VMP1: variants seen among roughly 807,000 people sequenced by gnomAD.
The protein encoded by VMP1 is ectopic P-granules autophagy protein 3 homolog.
A neutral mutation model predicts 56.0 loss-of-function variants in VMP1; 11 were observed. The observed-to-expected ratio is 0.20, with a 90% confidence interval of 0.12 to 0.32. VMP1 has a LOEUF of 0.32. Among genes scored for constraint, VMP1 ranks in the 10% least tolerant of loss-of-function variants. VMP1 has a pLI of 1.00. For missense variants in VMP1, 296 were observed against 490.3 expected (o/e 0.60, Z 3.74); for synonymous variants, 149 against 165.0 (o/e 0.90, Z 0.74).
At chr17:59,825,851 G>A (rs187154277) in intron 10 of VMP1, among the ~76,000 whole-genome samples, 3 of 152,348 alleles carry the variant, frequency 2.0e-5, no homozygotes, top group Admixed American at 1.3e-4. Context: ...GTAATAAAGT[G>A]CTTGAATCCG....
At chr17:59,836,870 T>C (rs2038999467) in intron 10 of VMP1, among the ~76,000 whole-genome samples, 1 of 152,088 alleles carries the variant, frequency 6.6e-6, no homozygotes, top group Non-Finnish European at 1.5e-5. Context: ...CTTCTATTCC[T>C]GCTTTTTGTT....
chr17:59,758,767 G>A (rs1182234507), intron 5 of VMP1, among the ~76,000 whole-genome samples: 1 of 151,950 alleles, frequency 6.6e-6, no homozygotes, highest in African/African-American at 2.4e-5. Flanking sequence ...AGGAGTTTAA[G>A]CAACACAGGG....
intron 7 of VMP1, among the ~76,000 whole-genome samples, chr17:59,801,415 G>T (rs1598413647): frequency 2.1e-5 from 3 of 143,548 alleles, no homozygotes; most frequent in East Asian, 2.0e-4. Flanking sequence ...CCAGCTAATT[G>T]TTTTTTTTTT....
At chr17:59,739,028 C>T (rs917726367) in intron 5 of VMP1, 81 bp downstream of exon 5, 3 of 1,154,632 alleles carry the variant, frequency 2.6e-6, no homozygotes, top group Non-Finnish European at 2.4e-6. Context: ...AGTAAAAATT[C>T]TAAGATTTGT....
At chr17:59,721,074 G>A (rs768942722) in intron 1 of VMP1, among the ~76,000 whole-genome samples, 4 of 151,960 alleles carry the variant, frequency 2.6e-5, no homozygotes, top group African/African-American at 7.3e-5. Flanking sequence ...GGCCGGGCGC[G>A]GTGGCTCACA....
In VMP1 at chr17:59,838,456, C is replaced by T; in HGVS notation, c.1077+59C>T. On this transcript the variant is annotated intron_variant, in intron 11 of 11. Transcript: ENST00000262291. ...GGAAGTTTCGGGCTGAAATTACATT[C>T]ACAGCTCTCACTCACATTTTTAGGC... 3.9e-6 allele frequency: 6 copies of T among 1,530,272 alleles called. No homozygotes were observed. The South Asian group carries it at 5.6e-5, about 14-fold the overall frequency. 94.8% of individuals were successfully genotyped at this position (1,530,272 alleles called of 1,614,324 possible).
chr17:59,838,417 T>C lies in VMP1; in HGVS notation c.1077+20T>C. ...CCACAGGTAAGACTTTAATCCGGTT[T>C]CTTCTCCCCTCTGGGAAGTTTCGGG... On this transcript the variant is annotated intron_variant, in intron 11 of 11. Transcript: ENST00000262291. 2 of 1,612,602 alleles carry C rather than the reference T, an allele frequency of 1.2e-6. No individual in the cohort carries two copies. The highest frequency in any genetic ancestry group is 1.7e-6 in the Non-Finnish European group (2 of 1,178,676).
At chr17:59,725,992 A>G (rs1380868867) in intron 1 of VMP1, among the ~76,000 whole-genome samples, 1 of 152,172 alleles carries the variant, frequency 6.6e-6, no homozygotes, top group East Asian at 1.9e-4. Flanking sequence ...GGGAAAGAGT[A>G]AATAGGGGCA....
chr17:59,806,470 T>A (rs942095168), intron 7 of VMP1, among the ~76,000 whole-genome samples: 1 of 152,136 alleles, frequency 6.6e-6, no homozygotes, highest in African/African-American at 2.4e-5. Flanking sequence ...TCAATGCCTG[T>A]AATCCTAGCA....
chr17:59,779,128 G>C (rs2036731185), intron 7 of VMP1, among the ~76,000 whole-genome samples: 1 of 152,230 alleles, frequency 6.6e-6, no homozygotes, highest in South Asian at 2.1e-4. Flanking sequence ...AAGGGGTTAA[G>C]ACACGTCACC....
At chr17:59,807,786 C>A (rs1017610560) in intron 7 of VMP1, among the ~76,000 whole-genome samples, 1 of 146,022 alleles carries the variant, frequency 6.8e-6, no homozygotes, top group Admixed American at 7.0e-5. Flanking sequence ...GAGCCAAGAT[C>A]GCGCCATTGC....
intron 10 of VMP1, among the ~76,000 whole-genome samples, chr17:59,832,761 A>ATTTTTTTTTT (rs71145580): frequency 0.017 from 1,706 of 100,468 alleles, no homozygotes; most frequent in Non-Finnish European, 0.022. Context: ...GCCTGGCAAT[A>ATTTTTTTTTT]TTTTTTTTTT....
rs747325963 is a variant in VMP1, at chr17:59,841,322, G to A, written c.*1411G>A. ...GTTGAATCTCATGGCAACACCAGTC[G>A]ATGGGCTGTCTGACATTTTGGTATC... On this transcript the variant is annotated 3_prime_UTR_variant, in exon 12 of 12. Transcript: ENST00000262291. 3 of 511,238 alleles carry A rather than the reference G, an allele frequency of 5.9e-6. No individual in the cohort carries two copies. The highest frequency in any genetic ancestry group is 1.4e-5 in the South Asian group (1 of 69,526). 31.7% of individuals were successfully genotyped at this position (511,238 alleles called of 1,614,324 possible). A position where few individuals can be genotyped will look rare whatever the true frequency, so the allele number is the denominator to read the frequency against.
chr17:59,797,365 A>G (rs1165062504), intron 7 of VMP1, among the ~76,000 whole-genome samples: 4 of 151,984 alleles, frequency 2.6e-5, no homozygotes, highest in African/African-American at 4.8e-5. Context: ...AAGAAAAAGA[A>G]AAAGACTTTT....
At chr17:59,756,401 G>C (rs1217876743) in intron 5 of VMP1, among the ~76,000 whole-genome samples, 1 of 152,158 alleles carries the variant, frequency 6.6e-6, no homozygotes, top group Non-Finnish European at 1.5e-5. Flanking sequence ...CCTTAGTGAA[G>C]AAGTATGGCA....
At chr17:59,817,558 G>A (rs189709764) in intron 9 of VMP1, among the ~76,000 whole-genome samples, 154 bp from the exon 10 acceptor site, 324 of 151,926 alleles carry the variant, frequency 2.1e-3, no homozygotes, top group Non-Finnish European at 3.5e-3. Flanking sequence ...CACCATGTTG[G>A]ACAGGATGGA....
At chr17:59,777,478 A>G (rs2036660549) in intron 7 of VMP1, among the ~76,000 whole-genome samples, 1 of 149,456 alleles carries the variant, frequency 6.7e-6, no homozygotes, top group Non-Finnish European at 1.5e-5. Flanking sequence ...TTTCCTCTCT[A>G]GAAGCTTTTA....
chr17:59,825,912 G>A (rs1028740218), intron 10 of VMP1, among the ~76,000 whole-genome samples: 40 of 152,334 alleles, frequency 2.6e-4, no homozygotes, highest in African/African-American at 8.4e-4. Context: ...AATGAGCTAC[G>A]TGGGCCTGGA....
chr17:59,712,262 A>C (rs2033962569), intron 1 of VMP1, among the ~76,000 whole-genome samples: 2 of 152,206 alleles, frequency 1.3e-5, no homozygotes, highest in Admixed American at 6.5e-5. Context: ...CTCATTATTA[A>C]TGAAGTTCCA....
Sources: gnomAD v4.1 joint callset for allele counts (sites outside exome capture counted in the v4.1 genomes callset) on GRCh38, gnomAD v4.1.1 for gene constraint, MANE v1.5 for transcripts, NCBI Gene and HGNC (gene_info 2026-07-23, HGNC 2026-07-21) for gene names.